The following LYPD1 variants were observed in gnomAD, a reference collection of about 807,000 sequenced individuals.
LYPD1 encodes LY6/PLAUR domain containing 1.
Under a neutral mutation model 14.2 loss-of-function variants are expected in LYPD1, and 14 were observed. The ratio of observed to expected loss-of-function variants is 0.99; its 90% confidence interval spans 0.65 to 1.54. LYPD1 has a LOEUF of 1.54. Among genes scored for constraint, LYPD1 ranks in the 40% most tolerant of loss-of-function variants. LYPD1 has a pLI of 0.00. For missense variants in LYPD1, 165 were observed against 175.7 expected, an observed-to-expected ratio of 0.94 and a Z score of 0.34; for synonymous variants, 85 against 70.6, an observed-to-expected ratio of 1.20 and a Z score of -1.02.
At chr2:132,653,217 G>T (rs569249116) in intron 2 of LYPD1, among the ~76,000 whole-genome samples, 2 of 152,232 alleles carry the variant, frequency 1.3e-5, no homozygotes, top group East Asian at 1.9e-4. Context: ...ACCTAGACTG[G>T]AATTCTCCCT....
In LYPD1 at chr2:132,645,984, T is replaced by A; in HGVS notation, c.*61A>T. 1 of 1,235,450 alleles carries A rather than the reference T, an allele frequency of 8.1e-7. No individual in the cohort carries two copies. The highest frequency in any genetic ancestry group is 1.1e-6 in the Non-Finnish European group (1 of 902,808). The allele number at this position is 1,235,450 out of a possible 1,614,324, so 76.5% of individuals were successfully genotyped here. ...CCCAGAAGAAACTCACTCAGGGAGG[T>A]GGGGGGTTGGGGGCGAGGGCTGGAA... On this transcript the variant is annotated 3_prime_UTR_variant, in exon 3 of 3. Coordinates refer to ENST00000397463, the MANE Select transcript of LYPD1 (RefSeq NM_144586.7).
At chr2:132,659,538 AC>A (rs1262576166) in intron 2 of LYPD1, among the ~76,000 whole-genome samples, 1 of 152,236 alleles carries the variant, frequency 6.6e-6, no homozygotes, top group Non-Finnish European at 1.5e-5. Flanking sequence ...AGAACACTGA[AC>A]AAAGATGAAA....
rs1356983216 is a variant in LYPD1 at position 132,668,808 on chromosome 2, T to TC, written c.53-272dup. ...CCATCCATTACCACCCCAGGCCTTT[T>TC]CCCAAGAAGTTGAAGGGAGGGTGGG... On this transcript the variant is annotated intron_variant, in intron 1 of 2. Coordinates refer to ENST00000397463, the MANE Select transcript of LYPD1 (RefSeq NM_144586.7). 3.3e-5 allele frequency among the ~76,000 whole-genome samples: 5 copies of TC among 152,216 alleles called. No individual in the cohort carries two copies. In the South Asian group the frequency reaches 1.0e-3, roughly 32 times the overall value.
At chr2:132,659,120 T>C (rs1573742420) in intron 2 of LYPD1, among the ~76,000 whole-genome samples, 1 of 152,274 alleles carries the variant, frequency 6.6e-6, no homozygotes. Context: ...CAGCTATTTC[T>C]AGTTTAACTA....
At chr2:132,661,563 C>T (rs1443663903) in intron 2 of LYPD1, among the ~76,000 whole-genome samples, 2 of 151,670 alleles carry the variant, frequency 1.3e-5, no homozygotes, top group African/African-American at 2.4e-5. Context: ...GAATAAAAAA[C>T]AAAACAAAAC....
At chr2:132,668,960 T>C (rs1291090905) in intron 1 of LYPD1, among the ~76,000 whole-genome samples, 1 of 152,254 alleles carries the variant, frequency 6.6e-6, no homozygotes, top group Non-Finnish European at 1.5e-5. Flanking sequence ...CATTCGTGAT[T>C]ACATTCGCAG....
At chr2:132,665,905 T>C (rs1461233842) in intron 2 of LYPD1, among the ~76,000 whole-genome samples, 1 of 152,206 alleles carries the variant, frequency 6.6e-6, no homozygotes, top group Non-Finnish European at 1.5e-5. Flanking sequence ...TCAGCTCTAG[T>C]ATGCTGAGAT....
intron 2 of LYPD1, among the ~76,000 whole-genome samples, chr2:132,663,288 T>G (rs1456625957): frequency 2.0e-5 from 3 of 152,246 alleles, no homozygotes; most frequent in Non-Finnish European, 4.4e-5. Context: ...TTCGTTTTGT[T>G]TTTGAGACAG....
Position 132,669,105 on chromosome 2 carries a change from C to T in LYPD1, c.53-568G>A, listed in dbSNP as rs1485903910. On this transcript the variant is annotated intron_variant, in intron 1 of 2. Coordinates refer to ENST00000397463, the MANE Select transcript of LYPD1 (RefSeq NM_144586.7). This position sits in a 1 kb window ranked among gnomAD's most constrained non-coding sequence, Gnocchi z 4.3. ...CGCCAAGCGCTGCTGCGCCGCAAGT[C>T]CCCGAGCCCGGGTCGGCGGCCCTTC... is the stretch of plus-strand genomic sequence containing the variant. Among the ~76,000 whole-genome samples the T allele has an allele frequency of 6.6e-6, 1 of 152,164 alleles. No individual in the cohort carries two copies. Among genetic ancestry groups the T allele is most frequent in the East Asian group, 1.9e-4 (1 of 5,162 alleles).
At position 132,646,231 on chromosome 2, in the gene LYPD1, G is replaced by A; in HGVS notation, c.240C>T (p.Ala80=). The A allele has an allele frequency of 6.3e-7, 1 of 1,592,196 alleles. No individual in the cohort carries two copies. The highest frequency in any genetic ancestry group is 8.6e-7 in the Non-Finnish European group (1 of 1,166,992). ...SCASSAACLI[A]SAGYQSFCSP... is the part of the protein sequence containing the mutation. ...AGCAGAAGGACTGGTACCCGGCAGA[G>A]GCGATGAGACAGGCCGCTGATGATG... Residue 80 remains alanine, a synonymous_variant, in exon 3 of 3, where the codon GCC becomes GCT. Coordinates refer to ENST00000397463, the MANE Select transcript of LYPD1 (RefSeq NM_144586.7).
chr2:132,649,871 C>T (rs138186876), intron 2 of LYPD1, among the ~76,000 whole-genome samples: 1 of 151,452 alleles, frequency 6.6e-6, no homozygotes, highest in African/African-American at 2.4e-5. Flanking sequence ...CACTTTGGAA[C>T]CTTGGGAGAT....
In LYPD1 at chr2:132,645,786, C is replaced by A; in HGVS notation, c.*259G>T. The A allele has an allele frequency of 1.1e-6, 1 of 871,338 alleles. No homozygotes were observed. Among genetic ancestry groups the A allele is most frequent in the Non-Finnish European group, 1.7e-6 (1 of 585,064 alleles). The allele number at this position is 871,338 out of a possible 1,614,324, so 54.0% of individuals were successfully genotyped here. A position where few individuals can be genotyped will look rare whatever the true frequency, so the allele number is the denominator to read the frequency against. ...ACTGACTCTGCCAGCCTGGCCTTGA[C>A]TCCGGTTACACAGACATGGGGGTGA... is the stretch of plus-strand genomic sequence containing the variant. On this transcript the variant is annotated 3_prime_UTR_variant, in exon 3 of 3. Coordinates refer to ENST00000397463, the MANE Select transcript of LYPD1 (RefSeq NM_144586.7).
upstream of LYPD1, among the ~76,000 whole-genome samples, chr2:132,670,462 G>A (rs1232371766): frequency 6.6e-6 from 1 of 152,148 alleles, no homozygotes. This position sits in a 1 kb window ranked among gnomAD's most constrained non-coding sequence, Gnocchi z 4.5. Context: ...CGAGGAGGGC[G>A]CAGCAGGTGC....
chr2:132,652,604 C>G (rs143293553), intron 2 of LYPD1, among the ~76,000 whole-genome samples: 5 of 152,142 alleles, frequency 3.3e-5, no homozygotes, highest in Non-Finnish European at 7.4e-5. Context: ...CAGCTCCCAG[C>G]CGCCCTACCC....
At position 132,660,134 on chromosome 2, in the gene LYPD1, T is replaced by A. The variant is rs183655023; in HGVS notation, c.190+8266A>T. Among the ~76,000 whole-genome samples the A allele has an allele frequency of 2.6e-5, 4 of 152,120 alleles. No homozygotes were observed. In the East Asian group the frequency reaches 7.7e-4, roughly 29 times the overall value. On this transcript the variant is annotated intron_variant, in intron 2 of 2. Transcript: ENST00000397463. ...TGTGCTCACAAAGAAGTCCAAGAAA[T>A]AGAAAAACATAAAAAGCTATTGTCC...
chr2:132,643,769 C>CT lies in LYPD1; in HGVS notation c.*2275dup, dbSNP rs1681919657. Among the ~76,000 whole-genome samples the CT allele has an allele frequency of 6.6e-6, 1 of 152,176 alleles. No homozygotes were observed. The highest frequency in any genetic ancestry group is 1.5e-5 in the Non-Finnish European group (1 of 68,032). ...TTCTAGGCTTAAGTGATCCTTCTGCCTTGGCCTCCCAGAGTATTGAGATAT... is the reference window on the plus strand; with the variant it reads ...TTCTAGGCTTAAGTGATCCTTCTGCCTTTGGCCTCCCAGAGTATTGAGATAT... On this transcript the variant is annotated 3_prime_UTR_variant, in exon 3 of 3. Coordinates refer to ENST00000397463, the MANE Select transcript of LYPD1 (RefSeq NM_144586.7).
At position 132,656,035 on chromosome 2, in the gene LYPD1, G is replaced by A. The variant is rs534541455; in HGVS notation, c.191-9755C>T. ...AAGCTACAATTCTATTACAAACGAC[G>A]TGCTACAAGTATGCTTTTAAAATAA... On this transcript the variant is annotated intron_variant, in intron 2 of 2. Coordinates refer to ENST00000397463, the MANE Select transcript of LYPD1 (RefSeq NM_144586.7). Among the ~76,000 whole-genome samples, 14 of 152,252 alleles carry A rather than the reference G, an allele frequency of 9.2e-5. 1 individual carries two copies. The highest frequency in any genetic ancestry group is 2.0e-4 in the Admixed American group (3 of 15,298).
At position 132,646,076 on chromosome 2, in the gene LYPD1, A is replaced by C; in HGVS notation, c.395T>G (p.Leu132Arg). The change falls in exon 3 of 3, where the codon CTC becomes CGC. Residue 132 changes from leucine to arginine, a missense_variant. Leu to Arg is a moderately radical substitution (Grantham distance 102). Coordinates refer to ENST00000397463, the MANE Select transcript of LYPD1 (RefSeq NM_144586.7). ...RPGLRTTILF[L>R]KLALFSAHC Reference sequence around the variant, plus strand: ...GTGTGCCGAGAAGAGGGCTAATTTGAGGAACAGGATGGTGGTGCGGAGCCC... The same window carrying C: ...GTGTGCCGAGAAGAGGGCTAATTTGCGGAACAGGATGGTGGTGCGGAGCCC... 3.8e-6 allele frequency: 6 copies of C among 1,592,798 alleles called. No homozygotes were observed. Among genetic ancestry groups the C allele is most frequent in the Non-Finnish European group, 5.1e-6 (6 of 1,168,020 alleles).
At position 132,669,627 on chromosome 2, in the gene LYPD1, C is replaced by T. The variant is rs926557946; in HGVS notation, c.52+254G>A. ...CCCTCCCTCCTCTCAAGCCCAGCTTCTCCCGACGGTGCAGCCGGACAAGCT... is the reference window on the plus strand; with the variant it reads ...CCCTCCCTCCTCTCAAGCCCAGCTTTTCCCGACGGTGCAGCCGGACAAGCT... On this transcript the variant is annotated intron_variant, in intron 1 of 2. Transcript: ENST00000397463. The surrounding 1 kb of genome is among the most constrained non-coding windows in gnomAD (Gnocchi z 4.3). 6.6e-6 allele frequency among the ~76,000 whole-genome samples: 1 copy of T among 152,128 alleles called. No individual in the cohort carries two copies. The highest frequency in any genetic ancestry group is 1.9e-4 in the East Asian group (1 of 5,134).
Sources: gnomAD v4.1 joint callset for allele counts (sites outside exome capture counted in the v4.1 genomes callset) on GRCh38, gnomAD v4.1.1 for gene constraint, Gnocchi (gnomAD v3.1) non-coding constraint, MANE v1.5 for transcripts, NCBI Gene and HGNC (gene_info 2026-07-23, HGNC 2026-07-21) for gene names.